Variants in TNS1 observed in about 807,000 individuals in gnomAD.
TNS1 encodes tensin-1.
TNS1 carries 62 observed loss-of-function variants against 168.6 expected under a neutral mutation model. The ratio of observed to expected loss-of-function variants is 0.37; its 90% confidence interval spans 0.30 to 0.45. The LOEUF is 0.45. Among genes scored for constraint, TNS1 ranks in the 20% least tolerant of loss-of-function variants. The pLI, the probability that TNS1 is intolerant of heterozygous loss-of-function variation, is 1.00. For synonymous variants in TNS1, 934 were observed against 933.2 expected (o/e 1.00, Z -0.02); for missense variants, 2,240 against 2,339.4 (o/e 0.96, Z 0.88).
intron 18 of TNS1, among the ~76,000 whole-genome samples, chr2:217,873,910 T>C (rs1352334085): frequency 1.3e-5 from 2 of 152,072 alleles, no homozygotes; most frequent in African/African-American, 4.8e-5. Context: ...AGAAAGAATG[T>C]TCTGGAATGT....
chr2:217,936,730 G>A (rs922061836), intron 3 of TNS1, among the ~76,000 whole-genome samples: 1 of 152,012 alleles, frequency 6.6e-6, no homozygotes, highest in African/African-American at 2.4e-5. Flanking sequence ...TGAGCCCCAA[G>A]CAACAGTTTC....
rs1289309042 is a variant in TNS1 at position 217,813,260 on chromosome 2, G to A, written c.4909C>T (p.Pro1637Ser). ...CAGCCCTTGAGCTTGACTCCTCTGG[G>A]GCCAGTCTCTATCAGAAAATGCCTG... ...LVRHFLIETGPRGVKLKGCPN... is the reference protein window; with the variant it reads ...LVRHFLIETGSRGVKLKGCPN... The change falls in exon 27 of 33, where the codon CCC becomes TCC. Residue 1637 changes from proline to serine, a missense_variant. Transcript: ENST00000682258. The surrounding 1 kb of genome is among the most constrained non-coding windows in gnomAD (Gnocchi z 4.0). 1.9e-6 allele frequency: 3 copies of A among 1,602,230 alleles called. No individual in the cohort carries two copies. Among genetic ancestry groups the A allele is most frequent in the Non-Finnish European group, 2.6e-6 (3 of 1,173,604 alleles).
At chr2:217,910,014 C>A (rs531673138) in intron 4 of TNS1, among the ~76,000 whole-genome samples, 8 of 152,206 alleles carry the variant, frequency 5.3e-5, no homozygotes, top group Non-Finnish European at 7.3e-5. Context: ...TCGTCTCTAG[C>A]CTCGGGGCAG....
Position 217,803,185 on chromosome 2 carries a change from G to C in TNS1, c.*1274C>G, listed in dbSNP as rs1247331323. On this transcript the variant is annotated 3_prime_UTR_variant, in exon 33 of 33. Transcript: ENST00000682258. ...AAAGCCAGACCCTAAAACACTTACA[G>C]AGGGGAGGATAAGGACTCCAGGTTT... is the stretch of plus-strand genomic sequence containing the variant. The C allele has an allele frequency of 6.6e-6, 1 of 152,324 alleles. No homozygotes were observed. The highest frequency in any genetic ancestry group is 1.5e-5 in the Non-Finnish European group (1 of 68,094). 9.4% of individuals were successfully genotyped at this position (152,324 alleles called of 1,614,324 possible).
chr2:217,885,705 T>C, intron 15 of TNS1, 39 bp downstream of exon 15: 1 of 1,576,246 alleles, frequency 6.3e-7, no homozygotes, highest in Non-Finnish European at 8.6e-7. Context: ...GGAGAGAAAA[T>C]AAACAAGGAT....
intron 18 of TNS1, among the ~76,000 whole-genome samples, chr2:217,865,133 A>G (rs568245037): frequency 8.6e-5 from 13 of 151,620 alleles, no homozygotes; most frequent in African/African-American, 2.9e-4. Context: ...GTGAGAGGTG[A>G]CTATGAGTCA....
chr2:217,820,059 G>T (rs960386346), intron 23 of TNS1, among the ~76,000 whole-genome samples: 1 of 152,200 alleles, frequency 6.6e-6, no homozygotes, highest in Non-Finnish European at 1.5e-5. Flanking sequence ...CATCCCAGAA[G>T]GGGCCAAAGC....
At chr2:217,858,697 C>CACACACACACACAT (rs1948462350) in intron 18 of TNS1, 1 of 207,456 alleles carries the variant, frequency 4.8e-6, no homozygotes, top group Non-Finnish European at 8.4e-6. Context: ...CACACACACA[C>CACACACACACACAT]ACACCCCACT....
intron 1 of TNS1, among the ~76,000 whole-genome samples, chr2:218,024,780 C>A (rs1958838292): frequency 6.6e-6 from 1 of 152,118 alleles, no homozygotes; most frequent in South Asian, 2.1e-4. Flanking sequence ...GGGTACAATG[C>A]CTATTCCTGA....
At chr2:217,859,537 A>G (rs1948583502) in intron 18 of TNS1, 1 of 1,061,448 alleles carries the variant, frequency 9.4e-7, no homozygotes, top group Admixed American at 2.0e-5. Context: ...AGGAGCCCCA[A>G]CATGAAGTTC....
rs59930380 is a variant in TNS1, at chr2:217,836,546, A to T, written c.3008-335T>A. Among the ~76,000 whole-genome samples the T allele has an allele frequency of 8.1e-3, 1,236 of 152,278 alleles. 19 individuals carry two copies. The highest frequency in any genetic ancestry group is 0.028 in the African/African-American group (1,170 of 41,560). On this transcript the variant is annotated intron_variant, in intron 19 of 32. Transcript: ENST00000682258. Reference sequence around the variant, plus strand: ...AGGCGGAGGGCCAGAGCTTCCAGACAAGGGAGGGGAGGTGGAGGGAAAAGA... The same window carrying T: ...AGGCGGAGGGCCAGAGCTTCCAGACTAGGGAGGGGAGGTGGAGGGAAAAGA...
rs778333490 is a variant in TNS1 at position 217,897,978 on chromosome 2, A to G, written c.372-9T>C. ...GGCTCACACTCATGTTTCTAGGGAG[A>G]CAGCAGGCAGCGGAGGGTCCATATC... is the stretch of plus-strand genomic sequence containing the variant. On this transcript the variant is annotated splice_polypyrimidine_tract_variant and intron_variant, in intron 7 of 32. Coordinates refer to ENST00000682258, the MANE Select transcript of TNS1 (RefSeq NM_001387777.1). 16 of 1,598,266 alleles carry G rather than the reference A, an allele frequency of 1.0e-5. No individual in the cohort carries two copies. Among genetic ancestry groups the G allele is most frequent in the Non-Finnish European group, 1.4e-5 (16 of 1,172,082 alleles).
intron 18 of TNS1, chr2:217,859,752 T>C (rs1948608507): frequency 7.1e-7 from 1 of 1,409,176 alleles, no homozygotes; most frequent in Non-Finnish European, 9.7e-7. Flanking sequence ...TCGCAATGCC[T>C]CACCCTCGTT....
chr2:217,961,396 G>A (rs1391589606), intron 3 of TNS1, among the ~76,000 whole-genome samples: 2 of 152,092 alleles, frequency 1.3e-5, no homozygotes, highest in African/African-American at 2.4e-5. Context: ...CACCACCTTA[G>A]CCTCTCCTTA....
intron 8 of TNS1, 57 bp downstream of exon 8, chr2:217,897,741 G>A: frequency 6.7e-7 from 1 of 1,500,484 alleles, no homozygotes; most frequent in African/African-American, 1.4e-5. Context: ...TGTAGAGGTG[G>A]TGAGCAGATG....
chr2:218,010,703 G>A (rs551845586), upstream of TNS1, among the ~76,000 whole-genome samples: 1 of 152,070 alleles, frequency 6.6e-6, no homozygotes, highest in African/African-American at 2.4e-5. Context: ...CGGCGGCGGC[G>A]GCAGCATTGT....
chr2:217,929,164 C>T (rs531484143), intron 3 of TNS1, among the ~76,000 whole-genome samples: 1 of 152,328 alleles, frequency 6.6e-6, no homozygotes, highest in Middle Eastern at 3.4e-3. Flanking sequence ...CCCAAGCCAG[C>T]CTGGAAGAAG....
At position 217,847,806 on chromosome 2, in the gene TNS1, G is replaced by A. The variant is rs200420863; in HGVS notation, c.2711C>T (p.Ala904Val). 3 of 1,601,758 alleles carry A rather than the reference G, an allele frequency of 1.9e-6. No individual in the cohort carries two copies. The highest frequency in any genetic ancestry group is 1.1e-5 in the South Asian group (1 of 90,748). Residue 904 changes from alanine to valine, a missense_variant, in exon 19 of 33, where the codon GCC becomes GTC. Physicochemically the swap from Ala to Val is moderately conservative, Grantham distance 64 (BLOSUM62 0). Transcript: ENST00000682258. ...GACAGACTCCAGAGAGGCCCGTGGG[G>A]CTGGCTCAGGGGTTCCCAACGAATG... ...SGHSLGTPEP[A>V]PRASLESVPP...
intron 19 of TNS1, among the ~76,000 whole-genome samples, chr2:217,842,419 C>T (rs1946100870): frequency 6.6e-6 from 1 of 152,194 alleles, no homozygotes; most frequent in African/African-American, 2.4e-5. Context: ...TTTAGTTGCT[C>T]AGGCCCCAGA....
Sources: gnomAD v4.1 joint callset for allele counts (sites outside exome capture counted in the v4.1 genomes callset) on GRCh38, gnomAD v4.1.1 for gene constraint, Gnocchi (gnomAD v3.1) non-coding constraint, MANE v1.5 for transcripts, NCBI Gene and HGNC (gene_info 2026-07-23, HGNC 2026-07-21) for gene names.